FAM83D: variants seen among roughly 807,000 people sequenced by gnomAD.
FAM83D encodes scaffolding CK1 anchoring protein D.
FAM83D carries 26 observed loss-of-function variants against 25.4 expected under a neutral mutation model. That is an observed-to-expected ratio of 1.02 (90% CI 0.75 to 1.42). FAM83D has a LOEUF of 1.42. FAM83D is among the 40% of genes most tolerant of loss of function. The pLI is 0.00. For missense variants in FAM83D, 740 were observed against 758.1 expected (o/e 0.98, Z 0.28); for synonymous variants, 310 against 318.5 (o/e 0.97, Z 0.28).
intron 1 of FAM83D, among the ~76,000 whole-genome samples, chr20:38,929,010 C>G (rs2085648146): frequency 6.6e-6 from 1 of 152,056 alleles, no homozygotes; most frequent in Non-Finnish European, 1.5e-5. Context: ...AACCCCGTCT[C>G]TACTAAAAAT....
In FAM83D at chr20:38,952,115, C is replaced by T. The variant is rs2085758164; in HGVS notation, c.1353C>T (p.Leu451=). The T allele has an allele frequency of 6.2e-7, 1 of 1,614,264 alleles. No homozygotes were observed. The highest frequency in any genetic ancestry group is 8.5e-7 in the Non-Finnish European group (1 of 1,180,048). Residue 451 remains leucine (L), a synonymous_variant, in exon 4 of 4, where the codon CTC becomes CTT. Transcript: ENST00000619850. ...AGACTGACATGGATGAGAACATTCT[C>T]TTTCCTCGAGGAACTCAATCTACAG... ...TTQTDMDENI[L]FPRGTQSTEG... is the part of the protein sequence containing the mutation.
chr20:38,951,500 T>G, intron 3 of FAM83D, 39 bp from the exon 4 acceptor site: 1 of 1,580,882 alleles, frequency 6.3e-7, no homozygotes, highest in Non-Finnish European at 8.6e-7. Context: ...AAATTGCTCA[T>G]CCTTACCAGC....
chr20:38,939,129 C>T (rs182096436), intron 1 of FAM83D, among the ~76,000 whole-genome samples: 39 of 152,278 alleles, frequency 2.6e-4, no homozygotes, highest in African/African-American at 8.9e-4. Context: ...GTACATACCC[C>T]GTCATGCCCT....
intron 1 of FAM83D, among the ~76,000 whole-genome samples, chr20:38,934,585 C>G (rs1413685323): frequency 1.3e-5 from 2 of 152,046 alleles, no homozygotes; most frequent in Non-Finnish European, 2.9e-5. Flanking sequence ...GTTATATTTA[C>G]CCATTGATCT....
intron 2 of FAM83D, among the ~76,000 whole-genome samples, chr20:38,946,180 A>G (rs1438527415): frequency 1.5e-5 from 2 of 136,778 alleles, no homozygotes; most frequent in Non-Finnish European, 3.1e-5. Flanking sequence ...ACTGCACTCC[A>G]GAGTGAGACT....
rs185019975 is a variant in FAM83D, at chr20:38,932,874, C to T, written c.483+5949C>T. Among the ~76,000 whole-genome samples, 162 of 152,300 alleles carry T rather than the reference C, an allele frequency of 1.1e-3. 1 individual carries two copies. Among genetic ancestry groups the T allele is most frequent in the African/African-American group, 3.7e-3 (152 of 41,562 alleles). Reference sequence around the variant, plus strand: ...GCCACTTTTGCTATGACCTCACCCTCGGGCATCCTCTTGATAACCTGAGCG... The same window carrying T: ...GCCACTTTTGCTATGACCTCACCCTTGGGCATCCTCTTGATAACCTGAGCG... On this transcript the variant is annotated intron_variant, in intron 1 of 3. Transcript: ENST00000619850.
At chr20:38,927,602 G>A (rs1168670195) in intron 1 of FAM83D, among the ~76,000 whole-genome samples, 1 of 148,822 alleles carries the variant, frequency 6.7e-6, no homozygotes, top group African/African-American at 2.5e-5. Flanking sequence ...GGGTTCAAGT[G>A]ACTCTCCTGC....
intron 3 of FAM83D, among the ~76,000 whole-genome samples, chr20:38,950,536 T>C (rs2085748427): frequency 6.6e-6 from 1 of 152,182 alleles, no homozygotes; most frequent in African/African-American, 2.4e-5. Flanking sequence ...CTGTGGGTCC[T>C]CCACTGTTAG....
chr20:38,931,651 A>G (rs993098834), intron 1 of FAM83D, among the ~76,000 whole-genome samples: 1 of 152,254 alleles, frequency 6.6e-6, no homozygotes, highest in Non-Finnish European at 1.5e-5. Context: ...GGAAGGAGCC[A>G]GGATACGAGG....
intron 1 of FAM83D, among the ~76,000 whole-genome samples, chr20:38,932,463 C>T (rs1421757861): frequency 2.6e-5 from 4 of 152,220 alleles, no homozygotes; most frequent in Non-Finnish European, 5.9e-5. Context: ...CTCAGGCGAG[C>T]TTCACCAAAA....
intron 1 of FAM83D, among the ~76,000 whole-genome samples, chr20:38,927,390 A>G (rs915330219): frequency 3.3e-5 from 5 of 152,126 alleles, no homozygotes; most frequent in African/African-American, 9.7e-5. Flanking sequence ...ACTACGGGGC[A>G]TTAGGAAGCA....
Position 38,952,746 on chromosome 20 carries a change from G to T in FAM83D, c.*226G>T. 1.8e-6 allele frequency: 1 copy of T among 570,188 alleles called. No individual in the cohort carries two copies. The highest frequency in any genetic ancestry group is 3.0e-6 in the Non-Finnish European group (1 of 328,978). 35.3% of individuals were successfully genotyped at this position (570,188 alleles called of 1,614,324 possible). On this transcript the variant is annotated 3_prime_UTR_variant, in exon 4 of 4. Transcript: ENST00000619850. The stretch of plus-strand genomic sequence containing the variant: ...TTAAACACTATGGATACAGGGGTTT[G>T]TTTTGCACAATTTTAATAGTCATGC...
intron 2 of FAM83D, among the ~76,000 whole-genome samples, chr20:38,943,658 T>C (rs2085713064): frequency 6.6e-6 from 1 of 152,162 alleles, no homozygotes; most frequent in African/African-American, 2.4e-5. Flanking sequence ...GAAAGAAAAA[T>C]TGTCATATTT....
In FAM83D at chr20:38,942,097, G is replaced by A. The variant is rs1302077496; in HGVS notation, c.622G>A (p.Asp208Asn). Reference sequence around the variant, plus strand: ...CTCTCAATTTCTGGATATGTGCATGGATCTGAAAGTTCATCCTGAACAGGA... The same window carrying A: ...CTCTCAATTTCTGGATATGTGCATGAATCTGAAAGTTCATCCTGAACAGGA... ...LLSQFLDMCMDLKVHPEQEKL... is the reference protein window; with the variant it reads ...LLSQFLDMCMNLKVHPEQEKL... The change falls in exon 2 of 4, where the codon GAT becomes AAT. Residue 208 changes from aspartate to asparagine, a missense_variant. Coordinates refer to ENST00000619850, the MANE Select transcript of FAM83D (RefSeq NM_030919.3). 3.1e-6 allele frequency: 5 copies of A among 1,614,092 alleles called. No individual in the cohort carries two copies. The African/African-American group carries it at 5.3e-5, about 17-fold the overall frequency.
chr20:38,951,991 A>G lies in FAM83D; in HGVS notation c.1229A>G (p.Gln410Arg). The G allele has an allele frequency of 6.2e-7, 1 of 1,614,212 alleles. No individual in the cohort carries two copies. The highest frequency in any genetic ancestry group is 8.5e-7 in the Non-Finnish European group (1 of 1,180,030). Residue 410 changes from glutamine (Q) to arginine (R), a missense_variant, in exon 4 of 4, where the codon CAA becomes CGA. Gln to Arg is a conservative substitution (Grantham distance 43). Transcript: ENST00000619850. Reference sequence around the variant, plus strand: ...CTGAGTGTGAGTGAGGTGGGAACACAAACCAGCATCACCACAGCATGTGCT... The same window carrying G: ...CTGAGTGTGAGTGAGGTGGGAACACGAACCAGCATCACCACAGCATGTGCT... ...PGLSVSEVGT[Q>R]TSITTACAGT... is the part of the protein sequence containing the mutation.
Position 38,926,490 on chromosome 20 carries a change from G to T in FAM83D, c.48G>T (p.Leu16=). The part of the protein sequence containing the change: ...EGLDEVPAAC[L]SPCGPPNPTE... ...TGGACGAGGTGCCCGCCGCCTGCCT[G>T]TCGCCGTGCGGGCCGCCCAACCCGA... The change falls in exon 1 of 4, where the codon CTG becomes CTT. Residue 16 remains leucine (L), a synonymous_variant. Coordinates refer to ENST00000619850, the MANE Select transcript of FAM83D (RefSeq NM_030919.3). 1 of 1,597,296 alleles carries T rather than the reference G, an allele frequency of 6.3e-7. No individual in the cohort carries two copies. The highest frequency in any genetic ancestry group is 8.5e-7 in the Non-Finnish European group (1 of 1,178,204).
intron 2 of FAM83D, among the ~76,000 whole-genome samples, chr20:38,945,644 C>T (rs1255679456): frequency 6.6e-6 from 1 of 152,142 alleles, no homozygotes; most frequent in Admixed American, 6.5e-5. Flanking sequence ...CAGGATCACA[C>T]CTTACATTTA....
chr20:38,931,570 C>G (rs555372473), intron 1 of FAM83D, among the ~76,000 whole-genome samples: 4 of 152,208 alleles, frequency 2.6e-5, no homozygotes, highest in Non-Finnish European at 1.5e-5. Flanking sequence ...CCTCAGTGTT[C>G]GCTCCATGCA....
chr20:38,951,712 G>A lies in FAM83D; in HGVS notation c.950G>A (p.Arg317Gln), dbSNP rs746725808. ...AACAAGTTTGATCACCTCACCAACC[G>A]AAAACCACAGTCCAAGGAGCTCACC... ...SSNKFDHLTN[R>Q]KPQSKELTLG... The change falls in exon 4 of 4, where the codon CGA (arginine) becomes CAA (glutamine). Residue 317 changes from arginine (R) to glutamine (Q), a missense_variant. Arg to Gln is a conservative substitution (Grantham distance 43). This residue lies in a region of FAM83D where 375 missense variants were observed against 403.2 expected (regional missense o/e 0.93). Coordinates refer to ENST00000619850, the MANE Select transcript of FAM83D (RefSeq NM_030919.3). 4 of 1,613,964 alleles carry A rather than the reference G, an allele frequency of 2.5e-6. No individual in the cohort carries two copies. The highest frequency in any genetic ancestry group is 3.4e-6 in the Non-Finnish European group (4 of 1,180,022).
Sources: allele counts gnomAD v4.1 joint callset (sites outside exome capture counted in the v4.1 genomes callset), GRCh38; gene constraint gnomAD v4.1.1; regional missense constraint gnomAD v4.1.1; transcripts MANE v1.5; gene names NCBI Gene and HGNC (gene_info 2026-07-23, HGNC 2026-07-21).